SGCD: variants seen among roughly 807,000 people sequenced by gnomAD.
The protein encoded by SGCD is delta-sarcoglycan.
A neutral mutation model predicts 36.6 loss-of-function variants in SGCD; 18 were observed. The observed-to-expected ratio is 0.49, with a 90% CI of 0.34 to 0.73. The LOEUF is 0.73. Ranked by LOEUF, SGCD falls within the 30% of genes least tolerant of loss-of-function variation. The pLI is 0.01. For missense variants in SGCD, 387 were observed against 346.7 expected (o/e 1.12, Z -0.92); for synonymous variants, 133 against 130.6 (o/e 1.02, Z -0.12).
chr5:156,726,770 A>G (rs536939386), intron 7 of SGCD, among the ~76,000 whole-genome samples: 5 of 152,248 alleles, frequency 3.3e-5, no homozygotes, highest in Admixed American at 6.5e-5. Context: ...TTATATTTCA[A>G]TGGTCAGGTT....
At chr5:156,236,837 A>ATTT (rs571943122) in intron 3 of SGCD, among the ~76,000 whole-genome samples, 25 of 139,880 alleles carry the variant, frequency 1.8e-4, no homozygotes, top group Middle Eastern at 7.3e-3. Flanking sequence ...GCTGAGCCAG[A>ATTT]TTTTTTTTTT....
At chr5:155,850,245 TGAG>T in the SGCD span, among the ~76,000 whole-genome samples, 3 of 152,208 alleles carry the variant, frequency 2.0e-5, no homozygotes, top group African/African-American at 7.2e-5. Flanking sequence ...TCTAATAAAT[TGAG>T]GAGCTTAGGC....
At chr5:156,128,376 C>G (rs1762230760) in intron 3 of SGCD, among the ~76,000 whole-genome samples, 1 of 152,132 alleles carries the variant, frequency 6.6e-6, no homozygotes, top group Non-Finnish European at 1.5e-5. Flanking sequence ...CTGGAAATTC[C>G]ACTCCTAGGT....
chr5:156,708,748 G>A (rs568835845), intron 7 of SGCD, among the ~76,000 whole-genome samples: 1 of 152,192 alleles, frequency 6.6e-6, no homozygotes, highest in African/African-American at 2.4e-5. Context: ...GTGTGTGCGT[G>A]TGTGAGAGAG....
chr5:155,823,403 C>T, the SGCD span, among the ~76,000 whole-genome samples: 1 of 151,782 alleles, frequency 6.6e-6, no homozygotes, highest in Non-Finnish European at 1.5e-5. Context: ...TGGCCGCCCA[C>T]ATTTGGGAGG....
At chr5:156,594,877 C>G in intron 5 of SGCD, 55 bp from the exon 6 acceptor site, 28 of 855,640 alleles carry the variant, frequency 3.3e-5, no homozygotes, top group Non-Finnish European at 4.4e-5. Flanking sequence ...ATGGTGTTTT[C>G]TCTCTCTCTC....
chr5:156,730,438 A>G (rs535485843), intron 7 of SGCD, among the ~76,000 whole-genome samples: 1 of 152,138 alleles, frequency 6.6e-6, no homozygotes, highest in South Asian at 2.1e-4. Context: ...GTGTTCTCAT[A>G]ATTTAGCTCC....
At chr5:155,891,556 C>CTATTTTTTTTTTTTTTTTTTTTT in intron 1 of SGCD, among the ~76,000 whole-genome samples, 1 of 16,554 alleles carries the variant, frequency 6.0e-5, no homozygotes, top group African/African-American at 2.7e-4. Flanking sequence ...AAAATAAATA[C>CTATTTTTTTTTTTTTTTTTTTTT]TCTTTTTTTT....
chr5:155,878,062 G>T (rs1279135706), intron 1 of SGCD, among the ~76,000 whole-genome samples: 1 of 152,050 alleles, frequency 6.6e-6, no homozygotes, highest in Admixed American at 6.6e-5. Context: ...ATTAGTGTGG[G>T]TGACTGCATT....
chr5:156,138,428 A>C (rs965195609), intron 3 of SGCD, among the ~76,000 whole-genome samples: 7 of 152,006 alleles, frequency 4.6e-5, no homozygotes, highest in Admixed American at 3.3e-4. Flanking sequence ...AACAACCCAA[A>C]ACTTCACATA....
chr5:156,092,923 T>G (rs7702370), intron 1 of SGCD, among the ~76,000 whole-genome samples: 28,016 of 152,206 alleles, frequency 0.18, 4,242 homozygotes, highest in East Asian at 0.46. Flanking sequence ...TGTGCTTCTG[T>G]TGTGTTAAGA....
chr5:156,494,335 AT>A (rs11295916), intron 3 of SGCD, among the ~76,000 whole-genome samples: 57,468 of 136,122 alleles, frequency 0.42, 11,144 homozygotes, highest in Non-Finnish European at 0.45. Context: ...ATCCCCTCCT[AT>A]TTTTTTTTTT....
chr5:155,900,154 T>G (rs1756355261), intron 1 of SGCD, among the ~76,000 whole-genome samples: 1 of 152,188 alleles, frequency 6.6e-6, no homozygotes, highest in Non-Finnish European at 1.5e-5. Flanking sequence ...CTTTCCACAT[T>G]AGTAAAGATT....
intron 1 of SGCD, among the ~76,000 whole-genome samples, chr5:156,102,329 G>A (rs1761540183): frequency 6.6e-6 from 1 of 152,032 alleles, no homozygotes; most frequent in Non-Finnish European, 1.5e-5. Flanking sequence ...ACTCCATCCA[G>A]TGATGAATTT....
chr5:156,273,605 T>A (rs1485068584), intron 3 of SGCD, among the ~76,000 whole-genome samples: 1 of 152,202 alleles, frequency 6.6e-6, no homozygotes. Flanking sequence ...AAGAGTCTAA[T>A]CATCTAGAAG....
chr5:156,040,377 G>C (rs1418707806), intron 1 of SGCD, among the ~76,000 whole-genome samples: 1 of 152,130 alleles, frequency 6.6e-6, no homozygotes, highest in Non-Finnish European at 1.5e-5. Flanking sequence ...CTTTCTTAAA[G>C]AGCATCCCAC....
intron 3 of SGCD, among the ~76,000 whole-genome samples, chr5:156,451,394 T>G (rs976504366): frequency 1.3e-5 from 2 of 152,102 alleles, no homozygotes; most frequent in African/African-American, 4.8e-5. Flanking sequence ...TTAATAGATA[T>G]TATGTTCAGA....
chr5:156,335,115 C>A (rs1235830961), intron 2 of SGCD, among the ~76,000 whole-genome samples: 1 of 152,166 alleles, frequency 6.6e-6, no homozygotes, highest in African/African-American at 2.4e-5. Context: ...AATGTATGCA[C>A]TTGTGTATCT....
chr5:156,605,553 G>C (rs1761402230), intron 6 of SGCD, among the ~76,000 whole-genome samples: 1 of 152,066 alleles, frequency 6.6e-6, no homozygotes, highest in African/African-American at 2.4e-5. Context: ...TAATCCTTTG[G>C]GTATATACCC....
Sources: gnomAD v4.1 joint callset for allele counts (sites outside exome capture counted in the v4.1 genomes callset) on GRCh38, gnomAD v4.1.1 for gene constraint, MANE v1.5 for transcripts, NCBI Gene and HGNC (gene_info 2026-07-23, HGNC 2026-07-21) for gene names.